Variants in RBM27 observed in about 807,000 individuals in gnomAD.
RBM27 encodes the protein RNA binding motif protein 27.
RBM27 carries 22 observed loss-of-function variants against 135.3 expected under a neutral mutation model. The observed-to-expected ratio is 0.16, with a 90% confidence interval of 0.12 to 0.23. RBM27 has a LOEUF of 0.23. Among genes scored for constraint, RBM27 ranks in the 10% least tolerant of loss-of-function variants. The probability of loss-of-function intolerance (pLI) is 1.00; values close to 1 mark genes in which losing one functional copy is unlikely to be tolerated. For missense variants in RBM27, 1,009 were observed against 1,281.0 expected (o/e 0.79, Z 3.24); for synonymous variants, 481 against 442.4 (o/e 1.09, Z -1.10).
At chr5:146,220,498 A>G (rs1430861006) in intron 2 of RBM27, among the ~76,000 whole-genome samples, 15 of 148,298 alleles carry the variant, frequency 1.0e-4, no homozygotes, top group Non-Finnish European at 2.1e-4. Context: ...AAATATATAT[A>G]TATATATATA....
intron 9 of RBM27, among the ~76,000 whole-genome samples, chr5:146,253,789 C>T (rs538539362): frequency 3.9e-5 from 6 of 152,142 alleles, no homozygotes; most frequent in South Asian, 4.1e-4. Context: ...GGGGGTGAGA[C>T]GTTTTCTGGA....
At chr5:146,261,452 A>C in intron 12 of RBM27, 58 bp from the exon 13 acceptor site, 1 of 1,424,638 alleles carries the variant, frequency 7.0e-7, no homozygotes, top group African/African-American at 1.4e-5. Context: ...GCAGTGGGTC[A>C]TAATTTATTT....
chr5:146,274,552 A>G (rs1404368889), intron 19 of RBM27, among the ~76,000 whole-genome samples: 1 of 152,202 alleles, frequency 6.6e-6, no homozygotes, highest in Non-Finnish European at 1.5e-5. Context: ...TACAGGCATG[A>G]GCCACCGTGC....
chr5:146,256,191 T>A (rs924369453), intron 10 of RBM27, among the ~76,000 whole-genome samples: 4 of 150,550 alleles, frequency 2.7e-5, no homozygotes, highest in Non-Finnish European at 5.9e-5. Context: ...ATCCTAGCTT[T>A]ATTAATTCTT....
At chr5:146,239,904 A>G (rs575516752) in intron 8 of RBM27, among the ~76,000 whole-genome samples, 18 of 151,512 alleles carry the variant, frequency 1.2e-4, no homozygotes, top group African/African-American at 3.9e-4. Context: ...AGCCTCCCAA[A>G]TAGCTGGGGC....
Position 146,287,944 on chromosome 5 carries a change from T to C in RBM27, c.*1914T>C, listed in dbSNP as rs1196216823. ...GTCAGTATATATTTTGAAAGATTCA[T>C]TGTGGTGAATATTTTGAGTCCTGAC... On this transcript the variant is annotated 3_prime_UTR_variant, in exon 21 of 21. Transcript: ENST00000265271. 6.6e-6 allele frequency: 1 copy of C among 152,122 alleles called. No homozygotes were observed. Among genetic ancestry groups the C allele is most frequent in the Non-Finnish European group, 1.5e-5 (1 of 67,976 alleles). 9.4% of individuals were successfully genotyped at this position (152,122 alleles called of 1,614,324 possible). A position where few individuals can be genotyped will look rare whatever the true frequency, so the allele number is the denominator to read the frequency against.
intron 1 of RBM27, among the ~76,000 whole-genome samples, chr5:146,217,744 T>TTTTG (rs775930266): frequency 4.6e-5 from 7 of 151,906 alleles, no homozygotes; most frequent in African/African-American, 1.7e-4. Flanking sequence ...ATTCTGAATT[T>TTTTG]TTTGTTTGTT....
At chr5:146,207,224 T>C (rs1407151674) in intron 1 of RBM27, among the ~76,000 whole-genome samples, 2 of 152,058 alleles carry the variant, frequency 1.3e-5, no homozygotes, top group Non-Finnish European at 2.9e-5. Context: ...ATTTTCTTTC[T>C]TTTTCTTTCT....
chr5:146,256,380 C>G (rs1363697547), intron 10 of RBM27, among the ~76,000 whole-genome samples: 1 of 147,492 alleles, frequency 6.8e-6, no homozygotes, highest in Non-Finnish European at 1.5e-5. Context: ...GACAGGGTCT[C>G]CTTCTGTCAC....
At chr5:146,207,354 C>T (rs973264396) in intron 1 of RBM27, among the ~76,000 whole-genome samples, 2 of 151,994 alleles carry the variant, frequency 1.3e-5, no homozygotes, top group African/African-American at 2.4e-5. Flanking sequence ...GCTGGGATTA[C>T]AGGCGCCCGC....
At chr5:146,273,744 A>G (rs1224041895) in intron 19 of RBM27, among the ~76,000 whole-genome samples, 1 of 152,188 alleles carries the variant, frequency 6.6e-6, no homozygotes, top group Non-Finnish European at 1.5e-5. Flanking sequence ...TCTATTCTTA[A>G]TGATTATGAA....
chr5:146,245,809 A>T (rs1440120236), intron 8 of RBM27, among the ~76,000 whole-genome samples: 1 of 152,172 alleles, frequency 6.6e-6, no homozygotes, highest in Non-Finnish European at 1.5e-5. Flanking sequence ...CTAATGCCTG[A>T]TAATCTGAAG....
At chr5:146,281,807 C>T (rs1486715847) in intron 19 of RBM27, among the ~76,000 whole-genome samples, 1 of 152,098 alleles carries the variant, frequency 6.6e-6, no homozygotes, top group African/African-American at 2.4e-5. Context: ...ATATGCATTC[C>T]TAAATATTAG....
intron 2 of RBM27, among the ~76,000 whole-genome samples, chr5:146,219,578 A>G (rs1756352475): frequency 6.6e-6 from 1 of 152,058 alleles, no homozygotes; most frequent in Admixed American, 6.6e-5. Flanking sequence ...AGAGCTTCCT[A>G]AGGTTTCCCC....
At chr5:146,223,278 G>A in intron 2 of RBM27, 125 bp from the exon 3 acceptor site, 1 of 677,578 alleles carries the variant, frequency 1.5e-6, no homozygotes, top group South Asian at 3.7e-5. Context: ...CCATAAGGTA[G>A]GACTCATTTT....
At chr5:146,263,286 G>A (rs1458389765) in intron 13 of RBM27, among the ~76,000 whole-genome samples, 1 of 152,092 alleles carries the variant, frequency 6.6e-6, no homozygotes, top group East Asian at 1.9e-4. Flanking sequence ...GTTGTGATAT[G>A]TTTTAGACAT....
At position 146,287,162 on chromosome 5, in the gene RBM27, G is replaced by A. The variant is rs1297959814; in HGVS notation, c.*1132G>A. 6.6e-6 allele frequency: 1 copy of A among 152,278 alleles called. No homozygotes were observed. Among genetic ancestry groups the A allele is most frequent in the East Asian group, 1.9e-4 (1 of 5,160 alleles). The allele number at this position is 152,278 out of a possible 1,614,324, so 9.4% of individuals were successfully genotyped here. A position where few individuals can be genotyped will look rare whatever the true frequency, so the allele number is the denominator to read the frequency against. On this transcript the variant is annotated 3_prime_UTR_variant, in exon 21 of 21. Coordinates refer to ENST00000265271, the MANE Select transcript of RBM27 (RefSeq NM_018989.2). ...GAGGTGGGAGGGGGTTGAGGGCTGAGTATGCTAGTAATAAATGGGAGTCAT... is the reference window on the plus strand; with the variant it reads ...GAGGTGGGAGGGGGTTGAGGGCTGAATATGCTAGTAATAAATGGGAGTCAT...
chr5:146,251,827 T>G lies in RBM27; in HGVS notation c.1396T>G (p.Ser466Ala), dbSNP rs1256957349. The change falls in exon 9 of 21, where the codon TCC (serine) becomes GCC (alanine). Residue 466 changes from serine to alanine, a missense_variant. By Grantham distance (99) the Ser-to-Ala change is moderately conservative. Around this residue, in one of 6 missense-constraint regions of RBM27, gnomAD observed 329 missense variants for 368.1 expected, o/e 0.89. Transcript: ENST00000265271. ...LVPPRNLMGSSIGYHTSVSSP... is the reference protein window; with the variant it reads ...LVPPRNLMGSAIGYHTSVSSP... ...GCCACCTCGAAACCTCATGGGATCC[T>G]CCATTGGATACCATACCTCAGTCTC... 1 of 1,613,962 alleles carries G rather than the reference T, an allele frequency of 6.2e-7. No homozygotes were observed. The highest frequency in any genetic ancestry group is 8.5e-7 in the Non-Finnish European group (1 of 1,179,980).
At chr5:146,271,238 T>TA (rs1199084532) in intron 18 of RBM27, among the ~76,000 whole-genome samples, 180 bp downstream of exon 18, 1 of 152,054 alleles carries the variant, frequency 6.6e-6, no homozygotes, top group East Asian at 1.9e-4. Flanking sequence ...CCGTCTCTAC[T>TA]AAAAATACAA....
Sources: gnomAD v4.1 joint callset for allele counts (sites outside exome capture counted in the v4.1 genomes callset) on GRCh38, gnomAD v4.1.1 for gene constraint, gnomAD v4.1.1 regional missense constraint, MANE v1.5 for transcripts, NCBI Gene and HGNC (gene_info 2026-07-23, HGNC 2026-07-21) for gene names.